SCN10A: variants seen among roughly 807,000 people sequenced by gnomAD.
SCN10A encodes the protein sodium channel protein type 10 subunit alpha.
Under a neutral mutation model 170.7 loss-of-function variants are expected in SCN10A, and 162 were observed. The observed-to-expected ratio is 0.95, with a 90% confidence interval of 0.84 to 1.08. The LOEUF (loss-of-function observed/expected upper bound fraction) is 1.08, where lower values mean the gene tolerates loss of function less well. Among genes scored for constraint, SCN10A ranks in the 50% least tolerant of loss-of-function variants. The probability of loss-of-function intolerance (pLI) is 0.00; values close to 1 mark genes in which losing one functional copy is unlikely to be tolerated. For synonymous variants in SCN10A, 985 were observed against 904.6 expected (o/e 1.09, Z -1.59); for missense variants, 2,527 against 2,436.9 (o/e 1.04, Z -0.78).
chr3:38,721,439 C>G (rs1391762271), intron 20 of SCN10A, among the ~76,000 whole-genome samples: 1 of 152,204 alleles, frequency 6.6e-6, no homozygotes, highest in Non-Finnish European at 1.5e-5. Flanking sequence ...ATGTTAAGTT[C>G]CTTCCTGTGT....
At chr3:38,787,267 T>C (rs895064111) in intron 4 of SCN10A, among the ~76,000 whole-genome samples, 1 of 152,300 alleles carries the variant, frequency 6.6e-6, no homozygotes, top group Admixed American at 6.5e-5. Context: ...TCCTAGATAC[T>C]TGACATTTTA....
At chr3:38,707,684 T>A (rs1310365335) in intron 25 of SCN10A, among the ~76,000 whole-genome samples, 3 of 152,194 alleles carry the variant, frequency 2.0e-5, no homozygotes, top group Non-Finnish European at 4.4e-5. Context: ...AAGGTACATG[T>A]TGGTTCAAAT....
At chr3:38,706,891 G>T (rs1278439540) in intron 26 of SCN10A, among the ~76,000 whole-genome samples, 1 of 151,992 alleles carries the variant, frequency 6.6e-6, no homozygotes, top group Non-Finnish European at 1.5e-5. Context: ...TAGAATATAG[G>T]GTGATACTGG....
chr3:38,755,918 G>T lies in SCN10A; in HGVS notation c.1331C>A (p.Ser444Tyr). 1 of 1,614,244 alleles carries T rather than the reference G, an allele frequency of 6.2e-7. No individual in the cohort carries two copies. Among genetic ancestry groups the T allele is most frequent in the Non-Finnish European group, 8.5e-7 (1 of 1,180,046 alleles). ...ALGIDTTSLH[S>Y]HNGSPLTSKN... ...GGAGGTTAAAGGTGATCCATTGTGG[G>T]AGTGGAGAGAGGTTGTGTCAATCCC... is the stretch of plus-strand genomic sequence containing the variant. The change falls in exon 11 of 28, where the codon TCC becomes TAC. Residue 444 changes from serine to tyrosine, a missense_variant. Transcript: ENST00000449082.
chr3:38,788,627 G>GA (rs930241678), intron 4 of SCN10A, among the ~76,000 whole-genome samples: 1 of 118,668 alleles, frequency 8.4e-6, no homozygotes, highest in Admixed American at 8.7e-5. Flanking sequence ...TGTTGGGGGG[G>GA]GGTGGGGGCG....
At chr3:38,704,750 G>A (rs770023198) in intron 26 of SCN10A, among the ~76,000 whole-genome samples, 1 of 152,178 alleles carries the variant, frequency 6.6e-6, no homozygotes, top group African/African-American at 2.4e-5. Flanking sequence ...AGGTGTGTGA[G>A]GCTCCTATGT....
At chr3:38,713,909 T>A in intron 22 of SCN10A, 49 bp downstream of exon 22, 1 of 1,605,664 alleles carries the variant, frequency 6.2e-7, no homozygotes, top group Non-Finnish European at 8.5e-7. Flanking sequence ...ATTACAGGCA[T>A]GAACCACCGT....
intron 13 of SCN10A, among the ~76,000 whole-genome samples, chr3:38,747,002 A>G (rs184720281): frequency 2.6e-5 from 4 of 152,284 alleles, no homozygotes; most frequent in South Asian, 4.1e-4. Context: ...TATAAATCCT[A>G]TTACGACTCT....
At chr3:38,812,934 G>C (rs978064266) in intron 1 of SCN10A, among the ~76,000 whole-genome samples, 1 of 152,070 alleles carries the variant, frequency 6.6e-6, no homozygotes, top group East Asian at 1.9e-4. Context: ...CTCAGGAGCT[G>C]AGGTAGGAGG....
intron 4 of SCN10A, among the ~76,000 whole-genome samples, chr3:38,788,298 T>C (rs1300254401): frequency 6.9e-6 from 1 of 144,914 alleles, no homozygotes; most frequent in Non-Finnish European, 1.5e-5. Flanking sequence ...CAAGCTGGAG[T>C]GGAAGCATCC....
In SCN10A at chr3:38,710,625, C is replaced by T. The variant is rs138164487; in HGVS notation, c.4143+219G>A. Reference sequence around the variant, plus strand: ...CTCAACAGTGAACAGAGGAAAACCTCGAGAAGCCTGGGGAGTGTAGATGAA... The same window carrying T: ...CTCAACAGTGAACAGAGGAAAACCTTGAGAAGCCTGGGGAGTGTAGATGAA... On this transcript the variant is annotated intron_variant, in intron 24 of 27. Coordinates refer to ENST00000449082, the MANE Select transcript of SCN10A (RefSeq NM_006514.4). Among the ~76,000 whole-genome samples the T allele has an allele frequency of 8.6e-4, 131 of 152,186 alleles. No individual in the cohort carries two copies. The highest frequency in any genetic ancestry group is 2.8e-4 in the Non-Finnish European group (19 of 68,008).
At chr3:38,739,424 AG>A in intron 15 of SCN10A, 90 bp downstream of exon 15, 1 of 1,168,354 alleles carries the variant, frequency 8.6e-7, no homozygotes, top group Non-Finnish European at 1.2e-6. Flanking sequence ...CAGGAGAGGA[AG>A]GGGGAGCTGG....
chr3:38,733,620 A>G (rs1559431057), intron 15 of SCN10A, among the ~76,000 whole-genome samples: 1 of 152,172 alleles, frequency 6.6e-6, no homozygotes, highest in Non-Finnish European at 1.5e-5. Context: ...GGCTCAAGTC[A>G]TCCTCCCACC....
At chr3:38,799,100 T>C (rs1022650684) in intron 1 of SCN10A, among the ~76,000 whole-genome samples, 1 of 152,130 alleles carries the variant, frequency 6.6e-6, no homozygotes, top group African/African-American at 2.4e-5. Context: ...CTTCTTAATA[T>C]CAGGTGGGAG....
rs150247775 is a variant in SCN10A, at chr3:38,778,614, A to C, written c.471-7207T>G. 3.9e-4 allele frequency among the ~76,000 whole-genome samples: 59 copies of C among 152,132 alleles called. No homozygotes were observed. The East Asian group carries it at 8.9e-3, about 23-fold the overall frequency. ...GAAGGGAGGGAAGATAAGGAAAAAG[A>C]TTGTGTTAAGAACATGGCAATAAGA... On this transcript the variant is annotated intron_variant, in intron 4 of 27. Coordinates refer to ENST00000449082, the MANE Select transcript of SCN10A (RefSeq NM_006514.4).
In SCN10A at chr3:38,698,040, A is replaced by T; in HGVS notation, c.5180T>A (p.Val1727Glu). ...YIAVILENFN[V>E]ATEESTEPLS... ...GGGCTCAGTGCTCTCCTCCGTGGCC[A>T]CATTGAAGTTCTCCAGAATCACTGC... Residue 1727 changes from valine (V) to glutamate (E), a missense_variant, in exon 28 of 28, where the codon GTG becomes GAG. Physicochemically the swap from Val to Glu is moderately radical, Grantham distance 121. Coordinates refer to ENST00000449082, the MANE Select transcript of SCN10A (RefSeq NM_006514.4). 6.2e-7 allele frequency: 1 copy of T among 1,614,194 alleles called. No homozygotes were observed. Among genetic ancestry groups the T allele is most frequent in the Non-Finnish European group, 8.5e-7 (1 of 1,180,042 alleles).
At position 38,762,254 on chromosome 3, in the gene SCN10A, C is replaced by T. The variant is rs114268288; in HGVS notation, c.692-871G>A. ...CCCTGGACTGGGAGCTGAGTGATGG[C>T]TAAGGCAGCAGCATGTCGAGTGCCG... On this transcript the variant is annotated intron_variant, in intron 6 of 27. Coordinates refer to ENST00000449082, the MANE Select transcript of SCN10A (RefSeq NM_006514.4). Among the ~76,000 whole-genome samples the T allele has an allele frequency of 9.4e-3, 1,426 of 152,266 alleles. 22 individuals are homozygous for T. Among genetic ancestry groups the T allele is most frequent in the African/African-American group, 0.033 (1,376 of 41,532 alleles).
intron 21 of SCN10A, among the ~76,000 whole-genome samples, chr3:38,717,942 G>C (rs2063349609): frequency 6.6e-6 from 1 of 152,234 alleles, no homozygotes; most frequent in Non-Finnish European, 1.5e-5. Flanking sequence ...TCTGATGTGT[G>C]AGAAGCACAC....
chr3:38,724,070 G>C (rs572260364), intron 18 of SCN10A, among the ~76,000 whole-genome samples: 1 of 152,280 alleles, frequency 6.6e-6, no homozygotes, highest in South Asian at 2.1e-4. Flanking sequence ...CATTGAGTAG[G>C]GACAACTAGC....
Sources: allele counts gnomAD v4.1 joint callset (sites outside exome capture counted in the v4.1 genomes callset), GRCh38; gene constraint gnomAD v4.1.1; transcripts MANE v1.5; gene names NCBI Gene and HGNC (gene_info 2026-07-23, HGNC 2026-07-21).